Variants in NBL1 observed in about 807,000 individuals in gnomAD.
The protein encoded by NBL1 is neuroblastoma suppressor of tumorigenicity 1.
A neutral mutation model predicts 16.0 loss-of-function variants in NBL1; 9 were observed. The ratio of observed to expected loss-of-function variants is 0.56; its 90% confidence interval spans 0.34 to 0.98. The LOEUF is 0.98. NBL1 is among the 50% of genes least tolerant of loss of function. The pLI, the probability that NBL1 is intolerant of heterozygous loss-of-function variation, is 0.02. For missense variants in NBL1, 196 were observed against 243.1 expected (o/e 0.81, Z 1.29); for synonymous variants, 86 against 100.7 (o/e 0.85, Z 0.87).
At chr1:19,643,333 C>G (rs776141684), upstream of NBL1, 1 of 1,614,006 alleles carries the variant, frequency 6.2e-7, no homozygotes. This position sits in a 1 kb window ranked among gnomAD's most constrained non-coding sequence, Gnocchi z 4.7. Context: ...CCTCATGAGT[C>G]AGACAAGCAG....
intron 1 of NBL1, among the ~76,000 whole-genome samples, chr1:19,646,732 G>A (rs1019154807): frequency 3.3e-5 from 5 of 152,196 alleles, no homozygotes; most frequent in African/African-American, 1.2e-4. Flanking sequence ...TCTGGAGGAG[G>A]CTGGTGTCTC....
intron 3 of NBL1, 21 bp downstream of exon 3, chr1:19,655,456 C>G: frequency 6.2e-7 from 1 of 1,612,840 alleles, no homozygotes; most frequent in South Asian, 1.1e-5. Flanking sequence ...CCTGCCTGCC[C>G]CACCCAGTCT....
chr1:19,643,591 G>A, upstream of NBL1: 2 of 1,402,572 alleles, frequency 1.4e-6, no homozygotes, highest in Non-Finnish European at 1.9e-6. The surrounding 1 kb of genome is among the most constrained non-coding windows in gnomAD (Gnocchi z 4.7). Context: ...TGGAAGCTGG[G>A]GCCAGGAGCT....
rs1159687269 is a variant in NBL1 at position 19,658,419 on chromosome 1, C to G, written c.*1290C>G. On this transcript the variant is annotated 3_prime_UTR_variant, in exon 4 of 4. Coordinates refer to ENST00000375136, the MANE Select transcript of NBL1 (RefSeq NM_005380.8). ...CATTGGACAGTCTCCCTGATGGACC[C>G]TCAGTCTTCTCATGAATAAATTCCT... 6.5e-6 allele frequency: 1 copy of G among 152,688 alleles called. No individual in the cohort carries two copies. Among genetic ancestry groups the G allele is most frequent in the Non-Finnish European group, 1.5e-5 (1 of 68,068 alleles). 9.5% of individuals were successfully genotyped at this position (152,688 alleles called of 1,614,324 possible). A position where few individuals can be genotyped will look rare whatever the true frequency, so the allele number is the denominator to read the frequency against.
chr1:19,644,367 C>G lies in NBL1; in HGVS notation c.-99C>G. Reference sequence around the variant, plus strand: ...GTCGCGGGGCCGCCCCCCGCCCTGCCGGCCGCCTCGCCGAGCCTCCTGGGG... The same window carrying G: ...GTCGCGGGGCCGCCCCCCGCCCTGCGGGCCGCCTCGCCGAGCCTCCTGGGG... On this transcript the variant is annotated 5_prime_UTR_variant, in exon 1 of 4. Transcript: ENST00000375136. This position sits in a 1 kb window ranked among gnomAD's most constrained non-coding sequence, Gnocchi z 4.6. The G allele has an allele frequency of 1.0e-6, 1 of 978,572 alleles. No individual in the cohort carries two copies. Among genetic ancestry groups the G allele is most frequent in the Non-Finnish European group, 1.2e-6 (1 of 826,930 alleles). 60.6% of individuals were successfully genotyped at this position (978,572 alleles called of 1,614,324 possible).
chr1:19,652,199 A>G (rs900903494), intron 1 of NBL1, among the ~76,000 whole-genome samples: 18 of 152,164 alleles, frequency 1.2e-4, no homozygotes, highest in African/African-American at 4.3e-4. Flanking sequence ...CTAAGGGTCT[A>G]GGGGGCCAGT....
rs778539600 is a variant in NBL1, at chr1:19,645,576, T to C, written c.-20+1130T>C. The C allele has an allele frequency of 6.0e-5, 61 of 1,015,142 alleles. 1 individual carries two copies. The Middle Eastern group carries it at 3.0e-3, about 50-fold the overall frequency. The allele number at this position is 1,015,142 out of a possible 1,614,324, so 62.9% of individuals were successfully genotyped here. ...ACCGGGCGCTGGCGGGGAAGCAATT[T>C]GTCAACAAGGAGCCCCTCACCCTTT... On this transcript the variant is annotated intron_variant, in intron 1 of 3. Coordinates refer to ENST00000375136, the MANE Select transcript of NBL1 (RefSeq NM_005380.8).
chr1:19,648,330 TG>T (rs1199199784), intron 1 of NBL1, among the ~76,000 whole-genome samples: 3 of 152,144 alleles, frequency 2.0e-5, no homozygotes, highest in African/African-American at 7.2e-5. Context: ...GCCCCTTTCC[TG>T]GGGGCTGGGA....
At position 19,644,354 on chromosome 1, in the gene NBL1, C is replaced by A. The variant is rs1006545682; in HGVS notation, c.-112C>A. On this transcript the variant is annotated 5_prime_UTR_variant, in exon 1 of 4. Transcript: ENST00000375136. The surrounding 1 kb of genome is among the most constrained non-coding windows in gnomAD (Gnocchi z 4.6). ...AGCCCAGCCGAGCGTCGCGGGGCCG[C>A]CCCCCGCCCTGCCGGCCGCCTCGCC... 19 of 977,770 alleles carry A rather than the reference C, an allele frequency of 1.9e-5. No homozygotes were observed. The highest frequency in any genetic ancestry group is 2.3e-5 in the Non-Finnish European group (19 of 826,260). 60.6% of individuals were successfully genotyped at this position (977,770 alleles called of 1,614,324 possible). A position where few individuals can be genotyped will look rare whatever the true frequency, so the allele number is the denominator to read the frequency against.
At chr1:19,648,385 A>G (rs908846776) in intron 1 of NBL1, among the ~76,000 whole-genome samples, 1 of 151,956 alleles carries the variant, frequency 6.6e-6, no homozygotes, top group Non-Finnish European at 1.5e-5. Context: ...TCCCGTGGGG[A>G]GCACATTCAG....
intron 3 of NBL1, 70 bp from the exon 4 acceptor site, chr1:19,656,796 A>G (rs1463725695): frequency 4.6e-6 from 7 of 1,515,898 alleles, no homozygotes; most frequent in Non-Finnish European, 6.2e-6. Context: ...AGGAAGTATT[A>G]CCCTAGGGGC....
rs972460205 is a variant in NBL1 at position 19,644,617 on chromosome 1, G to T, written c.-20+171G>T. ...AGGAGCCCTGGGGGACCTGGCGGGC[G>T]CCTCCGGACGCCGGCGCTGGGGACG... On this transcript the variant is annotated intron_variant, in intron 1 of 3. Transcript: ENST00000375136. This position sits in a 1 kb window ranked among gnomAD's most constrained non-coding sequence, Gnocchi z 4.6. 6.6e-5 allele frequency among the ~76,000 whole-genome samples: 10 copies of T among 150,702 alleles called. No homozygotes were observed. The highest frequency in any genetic ancestry group is 2.0e-4 in the Admixed American group (3 of 15,148).
intron 1 of NBL1, among the ~76,000 whole-genome samples, chr1:19,648,806 G>T (rs2095002220): frequency 6.6e-6 from 1 of 152,132 alleles, no homozygotes; most frequent in Admixed American, 6.5e-5. Context: ...ACACTCACCT[G>T]TGCCAAGGAC....
At chr1:19,646,531 C>T (rs2094981515) in intron 1 of NBL1, among the ~76,000 whole-genome samples, 1 of 152,212 alleles carries the variant, frequency 6.6e-6, no homozygotes, top group Admixed American at 6.5e-5. Context: ...TGCCTTGCCC[C>T]TTCACAGAGC....
At chr1:19,643,391 G>A (rs1385088604), upstream of NBL1, 2 of 1,613,632 alleles carry the variant, frequency 1.2e-6, no homozygotes, top group Non-Finnish European at 1.7e-6. The surrounding 1 kb of genome is among the most constrained non-coding windows in gnomAD (Gnocchi z 4.7). Flanking sequence ...AAAACACATG[G>A]ACACAGGTAA....
chr1:19,646,036 A>G (rs1267528063), intron 1 of NBL1: 1 of 1,550,600 alleles, frequency 6.4e-7, no homozygotes, highest in Admixed American at 2.0e-5. Context: ...GGTCTGCGGT[A>G]AGGAGGGCCG....
intron 3 of NBL1, 93 bp downstream of exon 3, chr1:19,655,528 C>A: frequency 5.0e-6 from 7 of 1,406,232 alleles, no homozygotes; most frequent in Non-Finnish European, 6.8e-6. Context: ...CAGCAGATGG[C>A]CACAGGGCCT....
At chr1:19,648,976 A>G (rs1296065713) in intron 1 of NBL1, among the ~76,000 whole-genome samples, 1 of 152,114 alleles carries the variant, frequency 6.6e-6, no homozygotes, top group Non-Finnish European at 1.5e-5. Flanking sequence ...CCAAGCTTCC[A>G]GTCCAGGCAG....
At chr1:19,645,244 G>C (rs913062483) in intron 1 of NBL1, 4 of 500,796 alleles carry the variant, frequency 8.0e-6, no homozygotes, top group Non-Finnish European at 7.7e-6. Flanking sequence ...TGAGTCTGGG[G>C]CAGGGAGAGC....
Sources: gnomAD v4.1 joint callset for allele counts (sites outside exome capture counted in the v4.1 genomes callset) on GRCh38, gnomAD v4.1.1 for gene constraint, Gnocchi (gnomAD v3.1) non-coding constraint, MANE v1.5 for transcripts, NCBI Gene and HGNC (gene_info 2026-07-23, HGNC 2026-07-21) for gene names.